The following LINGO2 variants were observed in gnomAD, a reference collection of about 807,000 sequenced individuals.
The protein encoded by LINGO2 is leucine rich repeat and Ig domain containing 2.
Under a neutral mutation model 30.6 loss-of-function variants are expected in LINGO2, and 14 were observed. The observed-to-expected ratio is 0.46, with a 90% confidence interval of 0.30 to 0.72. The LOEUF (loss-of-function observed/expected upper bound fraction) is 0.72. LINGO2 is among the 30% of genes least tolerant of loss of function. The pLI is 0.07. For missense variants in LINGO2, 729 were observed against 751.7 expected (o/e 0.97, Z 0.35); for synonymous variants, 317 against 288.5 (o/e 1.10, Z -1.00).
chr9:28,167,956 A>G (rs1484049833), intron 4 of LINGO2, among the ~76,000 whole-genome samples: 1 of 152,184 alleles, frequency 6.6e-6, no homozygotes, highest in Non-Finnish European at 1.5e-5. Context: ...GCCAGCCAGT[A>G]TCTCCTCAGC....
chr9:28,193,794 G>C (rs1187165042), intron 4 of LINGO2, among the ~76,000 whole-genome samples: 1 of 152,144 alleles, frequency 6.6e-6, no homozygotes, highest in East Asian at 1.9e-4. Flanking sequence ...CATTCATGTG[G>C]AGGCTGCAGT....
chr9:28,341,954 G>T (rs1369081661), intron 3 of LINGO2, among the ~76,000 whole-genome samples: 3 of 152,066 alleles, frequency 2.0e-5, no homozygotes, highest in Non-Finnish European at 4.4e-5. Context: ...CTATAGGGGA[G>T]AGTTAGGAAG....
chr9:28,364,218 G>A (rs765207515), intron 3 of LINGO2, among the ~76,000 whole-genome samples: 5 of 152,144 alleles, frequency 3.3e-5, no homozygotes, highest in East Asian at 1.9e-4. Context: ...GTCTATGAGT[G>A]CAAAGGATAT....
intron 2 of LINGO2, among the ~76,000 whole-genome samples, chr9:28,462,866 G>GA (rs1224505699): frequency 6.6e-6 from 1 of 151,870 alleles, no homozygotes; most frequent in African/African-American, 2.4e-5. Flanking sequence ...ACTAAAAATT[G>GA]AAAAAAATTA....
the LINGO2 span, among the ~76,000 whole-genome samples, chr9:29,139,815 G>A: frequency 9.9e-5 from 15 of 151,802 alleles, no homozygotes; most frequent in Non-Finnish European, 1.9e-4. Context: ...GCTTCTGAGG[G>A]GGCTGCCCAA....
At chr9:29,163,122 C>T in the LINGO2 span, among the ~76,000 whole-genome samples, 6,571 of 152,160 alleles carry the variant, frequency 0.043, 210 homozygotes, top group Admixed American at 0.08. Context: ...ATCTTGAAGT[C>T]ATGAATATCA....
chr9:28,436,257 T>A (rs1823916437), intron 2 of LINGO2, among the ~76,000 whole-genome samples: 1 of 152,064 alleles, frequency 6.6e-6, no homozygotes, highest in Admixed American at 6.6e-5. Flanking sequence ...CCTAAGAACA[T>A]AAAATCTTAA....
chr9:28,441,865 T>A (rs1335437594), intron 2 of LINGO2, among the ~76,000 whole-genome samples: 2 of 152,310 alleles, frequency 1.3e-5, no homozygotes, highest in East Asian at 3.9e-4. Context: ...AAAATTATAC[T>A]TTGATAACTT....
chr9:29,060,560 A>G, the LINGO2 span, among the ~76,000 whole-genome samples: 10 of 152,118 alleles, frequency 6.6e-5, no homozygotes, highest in Non-Finnish European at 8.8e-5. Context: ...TTCATTGAAG[A>G]TAACTCACAT....
At chr9:28,227,160 G>A (rs1294918538) in intron 4 of LINGO2, among the ~76,000 whole-genome samples, 1 of 152,086 alleles carries the variant, frequency 6.6e-6, no homozygotes, top group Non-Finnish European at 1.5e-5. Flanking sequence ...GCCTTCCAAT[G>A]TACAGATCAG....
intron 4 of LINGO2, among the ~76,000 whole-genome samples, chr9:28,086,430 G>T (rs1474998109): frequency 6.6e-6 from 1 of 152,032 alleles, no homozygotes; most frequent in Non-Finnish European, 1.5e-5. Flanking sequence ...AACTTTAAAT[G>T]AAGTTTTTCC....
intron 4 of LINGO2, among the ~76,000 whole-genome samples, chr9:28,109,451 A>T (rs558314273): frequency 6.6e-6 from 1 of 152,304 alleles, no homozygotes; most frequent in East Asian, 1.9e-4. Flanking sequence ...GGTGAAGTCA[A>T]ATTGTCTCTG....
At chr9:28,853,824 TG>T in the LINGO2 span, among the ~76,000 whole-genome samples, 2 of 151,848 alleles carry the variant, frequency 1.3e-5, no homozygotes, top group Non-Finnish European at 2.9e-5. Context: ...GTCCTGCCCT[TG>T]ACATGTGGGG....
chr9:28,593,610 T>C (rs999710410), intron 1 of LINGO2, among the ~76,000 whole-genome samples: 2 of 152,066 alleles, frequency 1.3e-5, no homozygotes, highest in Admixed American at 1.3e-4. Flanking sequence ...TCCTAACATA[T>C]TTAAAACTTC....
downstream of LINGO2, among the ~76,000 whole-genome samples, chr9:27,945,755 C>T (rs181049546): frequency 2.4e-4 from 37 of 152,172 alleles, no homozygotes; most frequent in Non-Finnish European, 4.9e-4. Flanking sequence ...TACTAAAGCA[C>T]CAGCGTTTCA....
chr9:28,167,747 T>A (rs971166415), intron 4 of LINGO2, among the ~76,000 whole-genome samples: 2 of 152,188 alleles, frequency 1.3e-5, no homozygotes, highest in African/African-American at 4.8e-5. Context: ...GTGATTATGG[T>A]AGGATAATAA....
At chr9:28,159,127 A>C (rs755234105) in intron 4 of LINGO2, among the ~76,000 whole-genome samples, 9 of 152,210 alleles carry the variant, frequency 5.9e-5, no homozygotes, top group Non-Finnish European at 1.0e-4. Context: ...AGGTATAAAA[A>C]TGGTGATTAT....
chr9:29,043,997 C>A, the LINGO2 span, among the ~76,000 whole-genome samples: 4 of 151,998 alleles, frequency 2.6e-5, no homozygotes, highest in African/African-American at 4.8e-5. Context: ...AATGAAAGAA[C>A]AATGATAAAG....
At chr9:28,580,898 C>T (rs920921856) in intron 1 of LINGO2, among the ~76,000 whole-genome samples, 34 of 151,946 alleles carry the variant, frequency 2.2e-4, no homozygotes, top group African/African-American at 8.0e-4. Flanking sequence ...CCTGGAGTGA[C>T]AGTTGAACCT....
Sources: allele counts gnomAD v4.1 joint callset (sites outside exome capture counted in the v4.1 genomes callset), GRCh38; gene constraint gnomAD v4.1.1; transcripts MANE v1.5; gene names NCBI Gene and HGNC (gene_info 2026-07-23, HGNC 2026-07-21).